E2F2: variants seen among roughly 807,000 people sequenced by gnomAD.
E2F2 encodes E2F transcription factor 2, also known as transcription factor E2F2.
Under a neutral mutation model 42.2 loss-of-function variants are expected in E2F2, and 22 were observed. The observed-to-expected ratio is 0.52, with a 90% CI of 0.37 to 0.74. The LOEUF is 0.74. E2F2 is among the 30% of genes least tolerant of loss of function. The pLI, the probability that E2F2 is intolerant of heterozygous loss-of-function variation, is 0.00. For missense variants in E2F2, 481 were observed against 557.8 expected (o/e 0.86, Z 1.39); for synonymous variants, 248 against 251.6 (o/e 0.99, Z 0.13).
Position 23,530,953 on chromosome 1 carries a change from C to T in E2F2, c.-160G>A, listed in dbSNP as rs1643332566. 5 of 915,700 alleles carry T rather than the reference C, an allele frequency of 5.5e-6. No individual in the cohort carries two copies. The East Asian group carries it at 1.2e-4, about 22-fold the overall frequency. The allele number at this position is 915,700 out of a possible 1,614,324, so 56.7% of individuals were successfully genotyped here. ...GCAAGGCCGGACCCTCCCCTCCTGG[C>T]CCGCGGCCGAGCAGAGAGCAGCGCT... On this transcript the variant is annotated 5_prime_UTR_variant, in exon 1 of 7. Transcript: ENST00000361729. This position sits in a 1 kb window ranked among gnomAD's most constrained non-coding sequence, Gnocchi z 4.4.
At chr1:23,524,512 G>T in intron 1 of E2F2, 24 bp from the exon 2 acceptor site, 1 of 1,606,170 alleles carries the variant, frequency 6.2e-7, no homozygotes, top group Non-Finnish European at 8.5e-7. Flanking sequence ...GGGAGAGAGA[G>T]GCAGAGTTTG....
chr1:23,521,751 C>A, intron 3 of E2F2, 86 bp downstream of exon 3: 1 of 1,564,898 alleles, frequency 6.4e-7, no homozygotes, highest in Non-Finnish European at 8.7e-7. Context: ...CCGCCCCTGC[C>A]ACTCACACCC....
At chr1:23,521,358 T>A (rs1216993946) in intron 3 of E2F2, among the ~76,000 whole-genome samples, 1 of 152,120 alleles carries the variant, frequency 6.6e-6, no homozygotes, top group Admixed American at 6.5e-5. Flanking sequence ...CTCCCCTGCC[T>A]GGTTTCTCTT....
At chr1:23,513,987 G>A (rs1237558809) in intron 6 of E2F2, among the ~76,000 whole-genome samples, 1 of 151,882 alleles carries the variant, frequency 6.6e-6, no homozygotes, top group East Asian at 1.9e-4. Flanking sequence ...AGCCGGGCAT[G>A]GTGGCATGTA....
At chr1:23,524,816 C>T (rs1005054857) in intron 1 of E2F2, among the ~76,000 whole-genome samples, 1 of 152,216 alleles carries the variant, frequency 6.6e-6, no homozygotes, top group Admixed American at 6.5e-5. Context: ...ACCTGCTCCT[C>T]ACCCCACCAC....
At chr1:23,523,893 G>A (rs1189017598) in intron 2 of E2F2, among the ~76,000 whole-genome samples, 1 of 151,902 alleles carries the variant, frequency 6.6e-6, no homozygotes, top group Non-Finnish European at 1.5e-5. Context: ...GGCCAACATG[G>A]TGAAACTGTG....
intron 5 of E2F2, among the ~76,000 whole-genome samples, chr1:23,517,198 T>C (rs1352897473): frequency 2.0e-5 from 3 of 152,180 alleles, no homozygotes; most frequent in South Asian, 2.1e-4. Flanking sequence ...CTGAAGCCAG[T>C]TGGACTTGGC....
At position 23,521,842 on chromosome 1, in the gene E2F2, C is replaced by T. The variant is rs754848203; in HGVS notation, c.573G>A (p.Gln191=). ...CTGGCCGCCCAGGCACTCACACCCA[C>T]TGGATGTTGTTCTTGGCCTTCTTGC... ...LIRKKAKNNI[Q]WVGRGMFEDP... The change falls in exon 3 of 7, where the codon CAG becomes CAA. Residue 191 remains glutamine (Q), a synonymous_variant. Transcript: ENST00000361729. The T allele has an allele frequency of 6.2e-7, 1 of 1,613,910 alleles. No individual in the cohort carries two copies. Among genetic ancestry groups the T allele is most frequent in the Non-Finnish European group, 8.5e-7 (1 of 1,179,988 alleles).
intron 5 of E2F2, among the ~76,000 whole-genome samples, chr1:23,518,545 T>A (rs928034327): frequency 6.6e-6 from 1 of 151,814 alleles, no homozygotes; most frequent in Non-Finnish European, 1.5e-5. Flanking sequence ...CTTAGTGCAA[T>A]GGGGAAACTG....
At position 23,506,475 on chromosome 1, in the gene E2F2, A is replaced by G. The variant is rs1642796899; in HGVS notation, c.*3405T>C. The G allele has an allele frequency of 6.6e-6, 1 of 152,262 alleles. No homozygotes were observed. The highest frequency in any genetic ancestry group is 2.4e-5 in the African/African-American group (1 of 41,450). The allele number at this position is 152,262 out of a possible 1,614,324, so 9.4% of individuals were successfully genotyped here. ...TTTAATGCCCAATTATCTCAATACA[A>G]GGAGGCTTACATGGTGCTCATAAAG... On this transcript the variant is annotated 3_prime_UTR_variant, in exon 7 of 7. Coordinates refer to ENST00000361729, the MANE Select transcript of E2F2 (RefSeq NM_004091.4).
At chr1:23,516,599 C>T (rs1005843490) in intron 5 of E2F2, 72 bp from the exon 6 acceptor site, 40 of 1,280,442 alleles carry the variant, frequency 3.1e-5, no homozygotes, top group African/African-American at 7.7e-5. Flanking sequence ...TATGGACAGA[C>T]GCACGTGGCT....
At position 23,509,911 on chromosome 1, in the gene E2F2, G is replaced by A. The variant is rs1418127037; in HGVS notation, c.1283C>T (p.Ser428Phe). Residue 428 changes from serine (S) to phenylalanine (F), a missense_variant, in exon 7 of 7, where the codon TCC becomes TTC. Physicochemically the swap from Ser to Phe is radical, Grantham distance 155. Transcript: ENST00000361729. ...AATCAACAGGTCCCCAAGGTCGTAG[G>A]AGTCGAAGAGATCGCTGATGCCCTC... ...AGEGISDLFD[S>F]YDLGDLLIN is the part of the protein sequence containing the mutation. 1 of 1,586,184 alleles carries A rather than the reference G, an allele frequency of 6.3e-7. No homozygotes were observed. The highest frequency in any genetic ancestry group is 1.7e-5 in the Admixed American group (1 of 57,826).
rs1037230688 is a variant in E2F2 at position 23,508,881 on chromosome 1, A to T, written c.*999T>A. ...TTTGGCAGTTTTTTGTTTTAATCTG[A>T]CCCTTCTTTACAGTGGGGCTGCCTC... On this transcript the variant is annotated 3_prime_UTR_variant, in exon 7 of 7. Coordinates refer to ENST00000361729, the MANE Select transcript of E2F2 (RefSeq NM_004091.4). 2 of 151,886 alleles carry T rather than the reference A, an allele frequency of 1.3e-5. No individual in the cohort carries two copies. The highest frequency in any genetic ancestry group is 2.9e-5 in the Non-Finnish European group (2 of 67,978). The allele number at this position is 151,886 out of a possible 1,614,324, so 9.4% of individuals were successfully genotyped here. A position where few individuals can be genotyped will look rare whatever the true frequency, so the allele number is the denominator to read the frequency against.
At chr1:23,523,761 G>A (rs1643196006) in intron 2 of E2F2, among the ~76,000 whole-genome samples, 1 of 152,146 alleles carries the variant, frequency 6.6e-6, no homozygotes, top group African/African-American at 2.4e-5. Context: ...CATGAGAGCA[G>A]TACATGGTAT....
intron 6 of E2F2, among the ~76,000 whole-genome samples, chr1:23,516,033 G>C (rs963859931): frequency 1.3e-5 from 2 of 152,244 alleles, no homozygotes; most frequent in Non-Finnish European, 2.9e-5. Flanking sequence ...ATTAATTACT[G>C]CGCCCAACTC....
chr1:23,515,535 T>C (rs149978381), intron 6 of E2F2, among the ~76,000 whole-genome samples: 43 of 152,252 alleles, frequency 2.8e-4, no homozygotes, highest in African/African-American at 7.9e-4. Context: ...TTATTTTTTT[T>C]TTAATGGGCA....
intron 6 of E2F2, among the ~76,000 whole-genome samples, chr1:23,515,521 T>C (rs1283082560): frequency 1.3e-5 from 2 of 152,082 alleles, no homozygotes; most frequent in Non-Finnish European, 2.9e-5. Flanking sequence ...ATCACCTCTA[T>C]GTCTTATTTT....
chr1:23,513,915 G>A (rs1642963942), intron 6 of E2F2, among the ~76,000 whole-genome samples: 1 of 152,086 alleles, frequency 6.6e-6, no homozygotes, highest in African/African-American at 2.4e-5. Flanking sequence ...CCTGAGATCA[G>A]GAGTTCGAGA....
At chr1:23,518,982 A>AG (rs1188585389) in intron 5 of E2F2, 34 bp downstream of exon 5, 1 of 1,573,322 alleles carries the variant, frequency 6.4e-7, no homozygotes, top group Non-Finnish European at 8.7e-7. Flanking sequence ...GCAGGGTCTC[A>AG]ACCCTGCTCT....
Sources: gnomAD v4.1 joint callset for allele counts (sites outside exome capture counted in the v4.1 genomes callset) on GRCh38, gnomAD v4.1.1 for gene constraint, Gnocchi (gnomAD v3.1) non-coding constraint, MANE v1.5 for transcripts, NCBI Gene and HGNC (gene_info 2026-07-23, HGNC 2026-07-21) for gene names.